CALN1: variants seen among roughly 807,000 people sequenced by gnomAD.
CALN1 encodes calcium-binding protein 8.
A neutral mutation model predicts 30.6 loss-of-function variants in CALN1; 17 were observed. That is an observed-to-expected ratio of 0.56 (90% CI 0.38 to 0.83). The LOEUF (loss-of-function observed/expected upper bound fraction) is 0.83. Among genes scored for constraint, CALN1 ranks in the 40% least tolerant of loss-of-function variants. CALN1 has a pLI of 0.00. For missense variants in CALN1, 291 were observed against 354.9 expected, an observed-to-expected ratio of 0.82 and a Z score of 1.45; for synonymous variants, 156 against 131.4, an observed-to-expected ratio of 1.19 and a Z score of -1.28.
intron 4 of CALN1, among the ~76,000 whole-genome samples, chr7:72,041,406 C>A (rs1361075944): frequency 6.6e-6 from 1 of 151,932 alleles, no homozygotes; most frequent in South Asian, 2.1e-4. Flanking sequence ...ATTTTTGAGA[C>A]AGCATCTGGC....
chr7:71,867,131 C>A (rs112731410), intron 5 of CALN1, among the ~76,000 whole-genome samples: 49 of 139,640 alleles, frequency 3.5e-4, no homozygotes, highest in African/African-American at 1.3e-3. Context: ...GGTGACAGAG[C>A]GAGACTCTGT....
chr7:71,986,378 A>G (rs1164637197), intron 5 of CALN1, among the ~76,000 whole-genome samples: 2 of 152,196 alleles, frequency 1.3e-5, no homozygotes, highest in South Asian at 2.1e-4. Context: ...ATAAATCTTA[A>G]AAAGCATCTT....
At chr7:71,967,638 A>G (rs1041673431) in intron 5 of CALN1, among the ~76,000 whole-genome samples, 1 of 144,082 alleles carries the variant, frequency 6.9e-6, no homozygotes, top group African/African-American at 2.7e-5. Flanking sequence ...AAAAAAAAAA[A>G]AAAAGAAAGA....
chr7:71,942,204 G>T, intron 5 of CALN1: 1 of 172,206 alleles, frequency 5.8e-6, no homozygotes, highest in South Asian at 1.0e-4. Context: ...TCTCAAAAAC[G>T]AAAAACAAAA....
intron 3 of CALN1, among the ~76,000 whole-genome samples, chr7:72,163,141 A>G (rs184820179): frequency 1.4e-4 from 22 of 152,312 alleles, no homozygotes; most frequent in African/African-American, 4.3e-4. Flanking sequence ...TGGAATTTCA[A>G]TTGAAACTAG....
chr7:72,071,176 G>A (rs1804367490), intron 4 of CALN1, among the ~76,000 whole-genome samples: 1 of 152,172 alleles, frequency 6.6e-6, no homozygotes, highest in South Asian at 2.1e-4. Context: ...CCCATGGCAG[G>A]GAGATGTGCA....
chr7:72,069,460 G>A lies in CALN1; in HGVS notation c.388+36691C>T, dbSNP rs578160480. 6.6e-5 allele frequency among the ~76,000 whole-genome samples: 10 copies of A among 152,274 alleles called. No individual in the cohort carries two copies. The East Asian group carries it at 1.9e-3, about 29-fold the overall frequency. On this transcript the variant is annotated intron_variant, in intron 4 of 6. Transcript: ENST00000395275. ...GGGCCAAATCTAAAGCACTCCCTCT[G>A]GAGGCTCTAGGGAGCATAAATTCTT... is the stretch of plus-strand genomic sequence containing the variant.
At chr7:71,795,743 G>A (rs536621953) in intron 6 of CALN1, among the ~76,000 whole-genome samples, 1 of 151,020 alleles carries the variant, frequency 6.6e-6, no homozygotes, top group Non-Finnish European at 1.5e-5. Flanking sequence ...GTGACCTTTC[G>A]TGTCTGGCTT....
At chr7:71,902,203 G>A (rs1208970050) in intron 5 of CALN1, among the ~76,000 whole-genome samples, 1 of 151,456 alleles carries the variant, frequency 6.6e-6, no homozygotes, top group Non-Finnish European at 1.5e-5. Context: ...CAGCCTGGGT[G>A]ACAATGCGAG....
chr7:71,836,074 C>T (rs1341942256), intron 5 of CALN1, among the ~76,000 whole-genome samples: 2 of 152,148 alleles, frequency 1.3e-5, no homozygotes, highest in Non-Finnish European at 2.9e-5. Flanking sequence ...AAAAACTTGC[C>T]TTGAGTTTCT....
At chr7:72,113,145 G>A (rs984895619) in intron 3 of CALN1, among the ~76,000 whole-genome samples, 4 of 152,144 alleles carry the variant, frequency 2.6e-5, no homozygotes, top group Non-Finnish European at 4.4e-5. Context: ...AGTGTTGGAG[G>A]TGGAGCCTAA....
chr7:72,203,916 G>T (rs2129547584), intron 3 of CALN1, among the ~76,000 whole-genome samples: 1 of 138,646 alleles, frequency 7.2e-6, no homozygotes, highest in South Asian at 2.3e-4. Context: ...GAAAAACATT[G>T]TTACCTTTCA....
chr7:72,346,299 C>CCA, intron 2 of CALN1, among the ~76,000 whole-genome samples: 1 of 152,218 alleles, frequency 6.6e-6, no homozygotes, highest in South Asian at 2.1e-4. Context: ...CCAAAGATAA[C>CCA]CACTTTCAAC....
At position 72,219,722 on chromosome 7, in the gene CALN1, A is replaced by G. The variant is rs190848829; in HGVS notation, c.244+58964T>C. 2.8e-3 allele frequency among the ~76,000 whole-genome samples: 421 copies of G among 151,906 alleles called. 3 individuals carry two copies. Among genetic ancestry groups the G allele is most frequent in the African/African-American group, 9.6e-3 (398 of 41,468 alleles). On this transcript the variant is annotated intron_variant, in intron 3 of 6. Transcript: ENST00000395275. ...AATGCACACACACGCACGTGCACAC[A>G]TACACACAAGCATGCACGCACACAC...
At chr7:71,955,721 G>C (rs553072069) in intron 5 of CALN1, among the ~76,000 whole-genome samples, 2 of 152,180 alleles carry the variant, frequency 1.3e-5, no homozygotes, top group South Asian at 4.2e-4. Context: ...ATAAGCCCCT[G>C]ATGTTCTGGA....
intron 3 of CALN1, among the ~76,000 whole-genome samples, chr7:72,113,789 A>C (rs1807744981): frequency 6.6e-6 from 1 of 152,168 alleles, no homozygotes; most frequent in African/African-American, 2.4e-5. Context: ...TTTTCTTTTT[A>C]AAGTGTGTGA....
At chr7:71,859,730 A>T (rs766546651) in intron 5 of CALN1, among the ~76,000 whole-genome samples, 1 of 152,198 alleles carries the variant, frequency 6.6e-6, no homozygotes, top group Non-Finnish European at 1.5e-5. Context: ...AAGCTGTAGG[A>T]TGGAAAATCC....
At chr7:71,833,284 T>G (rs1234898591) in intron 5 of CALN1, among the ~76,000 whole-genome samples, 1 of 152,200 alleles carries the variant, frequency 6.6e-6, no homozygotes, top group African/African-American at 2.4e-5. Context: ...TCCTACGGGA[T>G]AGCAACCATG....
intron 4 of CALN1, among the ~76,000 whole-genome samples, chr7:72,027,722 AACAAACACACAC>A (rs1801156932): frequency 1.1e-5 from 1 of 93,664 alleles, no homozygotes. Flanking sequence ...AAAACAAACA[AACAAACACACAC>A]ACACACACAC....
Sources: allele counts gnomAD v4.1 joint callset (sites outside exome capture counted in the v4.1 genomes callset), GRCh38; gene constraint gnomAD v4.1.1; transcripts MANE v1.5; gene names NCBI Gene and HGNC (gene_info 2026-07-23, HGNC 2026-07-21).